VPS13C: variants seen among roughly 807,000 people sequenced by gnomAD.
The protein encoded by VPS13C is intermembrane lipid transfer protein VPS13C.
In VPS13C, 358 loss-of-function variants were observed where a neutral mutation model predicts 456.8. The ratio of observed to expected loss-of-function variants is 0.78; its 90% CI spans 0.72 to 0.86. The LOEUF (loss-of-function observed/expected upper bound fraction) is 0.86, where lower values mean the gene tolerates loss of function less well. Among genes scored for constraint, VPS13C ranks in the 40% least tolerant of loss-of-function variants. VPS13C has a pLI of 0.00. For synonymous variants in VPS13C, 1,578 were observed against 1,486.7 expected (o/e 1.06, Z -1.41); for missense variants, 4,818 against 4,385.4 (o/e 1.10, Z -2.79).
In VPS13C at chr15:61,940,627, A is replaced by C; in HGVS notation, c.5601+20T>G. ...AAAGCCTATCAAGAAATTTTCATAT[A>C]TTATATACTAGCTACTTACCTGCAT... On this transcript the variant is annotated intron_variant, in intron 47 of 84. Transcript: ENST00000644861. 6.2e-7 allele frequency: 1 copy of C among 1,606,196 alleles called. No individual in the cohort carries two copies. Among genetic ancestry groups the C allele is most frequent in the Non-Finnish European group, 8.5e-7 (1 of 1,176,842 alleles).
At chr15:61,886,503 A>G (rs1896282606) in intron 67 of VPS13C, among the ~76,000 whole-genome samples, 1 of 152,148 alleles carries the variant, frequency 6.6e-6, no homozygotes. Flanking sequence ...AAAATAAAAA[A>G]TGCTGCAGAA....
Position 61,858,317 on chromosome 15 carries a change from A to ACTATCTATCTATCTAT in VPS13C, c.10953-1924_10953-1909dup, listed in dbSNP as rs55704364. 1.4e-5 allele frequency among the ~76,000 whole-genome samples: 2 copies of ACTATCTATCTATCTAT among 147,544 alleles called. No individual in the cohort carries two copies. The highest frequency in any genetic ancestry group is 2.0e-4 in the East Asian group (1 of 4,958). ...ACTCGAGATTTTTATCCAAACTCCA[A>ACTATCTATCTATCTAT]CTATCTATCTATCTATCTATCTATC... On this transcript the variant is annotated intron_variant, in intron 82 of 84. Transcript: ENST00000644861. This position sits in a 1 kb window ranked among gnomAD's most constrained non-coding sequence, Gnocchi z 4.4.
At chr15:61,983,607 T>C in intron 20 of VPS13C, 1 of 490,424 alleles carries the variant, frequency 2.0e-6, no homozygotes, top group Non-Finnish European at 3.5e-6. Flanking sequence ...AAGGCGTAGA[T>C]AAATAAACCT....
intron 22 of VPS13C, among the ~76,000 whole-genome samples, chr15:61,979,226 G>T (rs2045800820): frequency 6.6e-6 from 1 of 152,196 alleles, no homozygotes; most frequent in Admixed American, 6.5e-5. Flanking sequence ...CAATTCAGGA[G>T]TATACAAGGG....
chr15:61,935,107 A>G (rs967645132), intron 48 of VPS13C, among the ~76,000 whole-genome samples: 2 of 152,166 alleles, frequency 1.3e-5, no homozygotes, highest in Non-Finnish European at 2.9e-5. Flanking sequence ...GAAGAACAGA[A>G]TATAACTCAA....
intron 20 of VPS13C, among the ~76,000 whole-genome samples, 168 bp from the exon 21 acceptor site, chr15:61,982,741 G>GAA (rs2045925364): frequency 1.3e-5 from 2 of 151,996 alleles, no homozygotes; most frequent in Non-Finnish European, 1.5e-5. Context: ...CCTGGAGAAA[G>GAA]GAAGAGCCTA....
chr15:62,041,367 C>G lies in VPS13C; in HGVS notation c.145-1G>C. 6.2e-7 allele frequency: 1 copy of G among 1,603,628 alleles called. No homozygotes were observed. Among genetic ancestry groups the G allele is most frequent in the South Asian group, 1.1e-5 (1 of 88,270 alleles). On this transcript the variant is annotated splice_acceptor_variant, in intron 2 of 84. Transcript: ENST00000644861. LOFTEE classifies it high-confidence loss of function. The stretch of plus-strand genomic sequence containing the variant: ...CTTTAAAAGGAACATCCAATTCACT[C>G]TTCAGAAGAAAGAGAAAATGTAAAG...
chr15:61,958,563 T>C (rs1429903979), intron 37 of VPS13C, 45 bp downstream of exon 37: 1 of 1,062,502 alleles, frequency 9.4e-7, no homozygotes, highest in East Asian at 2.7e-5. Context: ...AAACCATAAA[T>C]AAATAGACAC....
At chr15:61,877,075 G>C in intron 74 of VPS13C, 21 bp from the exon 75 acceptor site, 1 of 1,558,578 alleles carries the variant, frequency 6.4e-7, no homozygotes, top group East Asian at 2.3e-5. Flanking sequence ...AAAAAGGAAA[G>C]ATTCAAAGAT....
intron 1 of VPS13C, among the ~76,000 whole-genome samples, 197 bp downstream of exon 1, chr15:62,060,078 G>C (rs1028857792): frequency 6.6e-6 from 1 of 152,160 alleles, no homozygotes; most frequent in Non-Finnish European, 1.5e-5. Flanking sequence ...GGATCCCGCC[G>C]CATCTCCCCA....
rs1254151898 is a variant in VPS13C at position 62,007,459 on chromosome 15, G to C, written c.1139C>G (p.Ser380Cys). The C allele has an allele frequency of 8.2e-6, 13 of 1,584,934 alleles. No homozygotes were observed. In the East Asian group the frequency reaches 2.3e-4, roughly 28 times the overall value. The part of the protein sequence containing the change: ...GRRWWKYAID[S>C]VLEVHIRRYT... ...CCTTCTTATATGAACTTCAAGAACA[G>C]AATCAATTGCATATTTCCACCTGAA... Residue 380 changes from serine to cysteine, a missense_variant, in exon 15 of 85, where the codon TCT becomes TGT. Ser to Cys is a moderately radical substitution (Grantham distance 112). Around this residue, in one of 3 missense-constraint regions of VPS13C, gnomAD observed 4,552 missense variants for 4,130.6 expected, o/e 1.10. Transcript: ENST00000644861.
chr15:61,946,763 A>T (rs992134838), intron 43 of VPS13C, among the ~76,000 whole-genome samples: 2 of 152,040 alleles, frequency 1.3e-5, no homozygotes, highest in Non-Finnish European at 2.9e-5. Context: ...GTCATTTAGG[A>T]AGACAATATT....
intron 35 of VPS13C, 62 bp downstream of exon 35, chr15:61,961,527 C>G: frequency 6.9e-7 from 1 of 1,454,190 alleles, no homozygotes; most frequent in Non-Finnish European, 9.2e-7. Flanking sequence ...AATTTCAAGT[C>G]ATAAAATTTC....
rs753332658 is a variant in VPS13C, at chr15:62,028,438, G to T, written c.386-18C>A. 3 of 1,611,948 alleles carry T rather than the reference G, an allele frequency of 1.9e-6. No individual in the cohort carries two copies. The highest frequency in any genetic ancestry group is 8.5e-7 in the Non-Finnish European group (1 of 1,178,688). On this transcript the variant is annotated intron_variant, in intron 5 of 84. Transcript: ENST00000644861. Reference sequence around the variant, plus strand: ...ATGTGTGCCTGCATCCCACATGGCAGCAATAACCAAAATGCAAAGCAATTT... The same window carrying T: ...ATGTGTGCCTGCATCCCACATGGCATCAATAACCAAAATGCAAAGCAATTT...
chr15:61,962,535 C>G lies in VPS13C; in HGVS notation c.3439G>C (p.Val1147Leu), dbSNP rs961675486. 1.9e-6 allele frequency: 3 copies of G among 1,607,166 alleles called. No homozygotes were observed. The highest frequency in any genetic ancestry group is 2.6e-6 in the Non-Finnish European group (3 of 1,176,050). ...VDPKTVHKKA[V>L]SIMGNEVFRF... The stretch of plus-strand genomic sequence containing the variant: ...AAAACTTCATTTCCCATTATTGACA[C>G]AGCCTGAAAAACAGAGACTTGAATG... The change falls in exon 34 of 85, where the codon GTG becomes CTG. Residue 1147 changes from valine to leucine, a missense_variant. By Grantham distance (32) the Val-to-Leu change is conservative (BLOSUM62 1). Transcript: ENST00000644861.
intron 3 of VPS13C, among the ~76,000 whole-genome samples, chr15:62,040,072 C>G (rs1722606376): frequency 6.6e-6 from 1 of 152,080 alleles, no homozygotes; most frequent in Non-Finnish European, 1.5e-5. Flanking sequence ...ATGGATGGAA[C>G]TGGGGGTCAT....
At chr15:61,917,235 A>T in intron 60 of VPS13C, 106 bp downstream of exon 60, 3 of 1,167,254 alleles carry the variant, frequency 2.6e-6, no homozygotes, top group African/African-American at 1.6e-5. Context: ...ATTACACATT[A>T]CACATACGCT....
chr15:62,054,996 C>T (rs2140802583), intron 1 of VPS13C, among the ~76,000 whole-genome samples: 1 of 152,278 alleles, frequency 6.6e-6, no homozygotes, highest in African/African-American at 2.4e-5. Context: ...GGTCCCACAG[C>T]TAATAAATAA....
chr15:61,957,579 T>G lies in VPS13C; in HGVS notation c.4165+1029A>C, dbSNP rs139291449. Among the ~76,000 whole-genome samples the G allele has an allele frequency of 8.0e-3, 1,212 of 152,216 alleles. 13 individuals are homozygous for G. Among genetic ancestry groups the G allele is most frequent in the African/African-American group, 0.028 (1,169 of 41,540 alleles). The stretch of plus-strand genomic sequence containing the variant: ...GTTAGAAAGGTATAGAAAAACAACC[T>G]GGTGGGAGTGCAGGGTTAGTAAAGT... On this transcript the variant is annotated intron_variant, in intron 37 of 84. Coordinates refer to ENST00000644861, the MANE Select transcript of VPS13C (RefSeq NM_020821.3).
Sources: gnomAD v4.1 joint callset for allele counts (sites outside exome capture counted in the v4.1 genomes callset) on GRCh38, gnomAD v4.1.1 for gene constraint, gnomAD v4.1.1 regional missense constraint, Gnocchi (gnomAD v3.1) non-coding constraint, MANE v1.5 for transcripts, NCBI Gene and HGNC (gene_info 2026-07-23, HGNC 2026-07-21) for gene names.